Variants in RIMKLB observed in about 807,000 individuals in gnomAD.
RIMKLB encodes the protein beta-citrylglutamate synthase B.
In RIMKLB, 7 loss-of-function variants were observed where a neutral mutation model predicts 32.0. That is an observed-to-expected ratio of 0.22 (90% confidence interval 0.12 to 0.41). RIMKLB has a LOEUF of 0.41. RIMKLB is among the 10% of genes least tolerant of loss of function. The pLI is 1.00. For synonymous variants in RIMKLB, 172 were observed against 185.1 expected (o/e 0.93, Z 0.57); for missense variants, 289 against 498.7 (o/e 0.58, Z 4.00).
At chr12:8,751,036 T>TA (rs1948583014) in intron 3 of RIMKLB, among the ~76,000 whole-genome samples, 1 of 152,190 alleles carries the variant, frequency 6.6e-6, no homozygotes, top group African/African-American at 2.4e-5. Flanking sequence ...ACCAAGCCTG[T>TA]ATGGCATGTG....
intron 5 of RIMKLB, among the ~76,000 whole-genome samples, chr12:8,771,508 C>T (rs950928691): frequency 6.6e-6 from 1 of 152,198 alleles, no homozygotes; most frequent in African/African-American, 2.4e-5. Context: ...GAATATCACA[C>T]ATCTTTCTCC....
At chr12:8,709,722 G>A (rs924538968) in intron 1 of RIMKLB, among the ~76,000 whole-genome samples, 8 of 152,008 alleles carry the variant, frequency 5.3e-5, no homozygotes, top group African/African-American at 1.9e-4. Context: ...CCCTGACACA[G>A]TACAACAGGA....
At position 8,746,362 on chromosome 12, in the gene RIMKLB, G is replaced by GCTGAGGTGTGCAGATCAC. The variant is rs531021806; in HGVS notation, c.176-3492_176-3475dup. 6.6e-5 allele frequency among the ~76,000 whole-genome samples: 10 copies of GCTGAGGTGTGCAGATCAC among 151,818 alleles called. No homozygotes were observed. The South Asian group carries it at 2.1e-3, about 31-fold the overall frequency. On this transcript the variant is annotated intron_variant, in intron 2 of 5. Coordinates refer to ENST00000535829, the MANE Select transcript of RIMKLB (RefSeq NM_001297776.2). ...GCCTGTAATCCCAGCACTTTGGGAG[G>GCTGAGGTGTGCAGATCAC]CTGAGGTGTGCAGATCACCTGAGGT...
At chr12:8,770,194 C>T (rs558778913) in intron 5 of RIMKLB, among the ~76,000 whole-genome samples, 2 of 152,192 alleles carry the variant, frequency 1.3e-5, no homozygotes, top group Non-Finnish European at 2.9e-5. Flanking sequence ...AACTCCTGAC[C>T]TCAGGTGATC....
chr12:8,756,747 G>A (rs949320207), intron 5 of RIMKLB, among the ~76,000 whole-genome samples: 5 of 135,006 alleles, frequency 3.7e-5, no homozygotes, highest in African/African-American at 5.6e-5. Flanking sequence ...GCTGAAGTAC[G>A]GTGGTGTGAT....
chr12:8,759,731 G>A (rs1175868898), intron 5 of RIMKLB, among the ~76,000 whole-genome samples: 1 of 152,112 alleles, frequency 6.6e-6, no homozygotes, highest in Non-Finnish European at 1.5e-5. Flanking sequence ...ATTCTCCCCA[G>A]TTGAGAACCA....
At chr12:8,768,212 A>C (rs767269268) in intron 5 of RIMKLB, among the ~76,000 whole-genome samples, 7 of 152,360 alleles carry the variant, frequency 4.6e-5, no homozygotes, top group Non-Finnish European at 1.0e-4. Flanking sequence ...GTGCAGGAAC[A>C]ATGGCAAGCC....
At chr12:8,715,798 T>G (rs747335989) in intron 2 of RIMKLB, among the ~76,000 whole-genome samples, 26 of 152,320 alleles carry the variant, frequency 1.7e-4, no homozygotes, top group Middle Eastern at 3.4e-3. Context: ...CAAATAAATG[T>G]AAAGTTATAA....
intron 3 of RIMKLB, among the ~76,000 whole-genome samples, chr12:8,751,362 A>T (rs1332707160): frequency 6.6e-6 from 1 of 152,194 alleles, no homozygotes; most frequent in Admixed American, 6.5e-5. Context: ...TTTTGTAGCT[A>T]CAGTCTATTT....
intron 5 of RIMKLB, among the ~76,000 whole-genome samples, chr12:8,763,869 C>T (rs1042096298): frequency 2.8e-4 from 43 of 152,144 alleles, no homozygotes; most frequent in African/African-American, 9.9e-4. Flanking sequence ...TGAGTTGAGA[C>T]GTTGGGTTTG....
At chr12:8,744,739 C>CA (rs1464112338) in intron 2 of RIMKLB, among the ~76,000 whole-genome samples, 1 of 151,848 alleles carries the variant, frequency 6.6e-6, no homozygotes, top group African/African-American at 2.4e-5. Context: ...CTGCTCACTT[C>CA]AACCTCTGCC....
At chr12:8,756,153 CAAAA>C (rs1233371130) in intron 5 of RIMKLB, among the ~76,000 whole-genome samples, 1 of 114,170 alleles carries the variant, frequency 8.8e-6, no homozygotes, top group Non-Finnish European at 1.9e-5. Context: ...GACTCTGCCT[CAAAA>C]AAAAAAAAAA....
intron 2 of RIMKLB, chr12:8,714,294 T>G (rs1490004957): frequency 1.5e-5 from 5 of 323,964 alleles, no homozygotes; most frequent in African/African-American, 6.5e-5. Context: ...GGCGCATATC[T>G]GTAGTTCCAG....
chr12:8,770,958 G>C (rs1445796757), intron 5 of RIMKLB, among the ~76,000 whole-genome samples: 4 of 152,184 alleles, frequency 2.6e-5, no homozygotes, highest in African/African-American at 9.7e-5. Context: ...TGTGTTATCT[G>C]TATATTATAA....
At chr12:8,738,792 A>G (rs1277772424) in intron 2 of RIMKLB, among the ~76,000 whole-genome samples, 2 of 152,210 alleles carry the variant, frequency 1.3e-5, no homozygotes. Context: ...AATTTCATTT[A>G]TATAGATGGA....
intron 2 of RIMKLB, among the ~76,000 whole-genome samples, chr12:8,745,029 G>A (rs1043513874): frequency 2.0e-5 from 3 of 151,856 alleles, no homozygotes; most frequent in African/African-American, 7.3e-5. Flanking sequence ...GGTGTGTGAT[G>A]TTCCCCACCC....
At chr12:8,764,730 C>T (rs78719317) in intron 5 of RIMKLB, among the ~76,000 whole-genome samples, 1 of 152,130 alleles carries the variant, frequency 6.6e-6, no homozygotes. Flanking sequence ...AGAGGACCTT[C>T]GTCCCCTGGG....
chr12:8,743,629 G>A (rs947474317), intron 2 of RIMKLB, among the ~76,000 whole-genome samples: 1 of 151,744 alleles, frequency 6.6e-6, no homozygotes, highest in African/African-American at 2.4e-5. Flanking sequence ...TAATTATGGG[G>A]AGGGAGAGAT....
intron 5 of RIMKLB, among the ~76,000 whole-genome samples, chr12:8,755,340 ATCC>A (rs1175153524): frequency 6.6e-6 from 1 of 151,232 alleles, no homozygotes; most frequent in Non-Finnish European, 1.5e-5. Context: ...GGCTCAAGTA[ATCC>A]TCCTTCATTG....
Sources: allele counts gnomAD v4.1 joint callset (sites outside exome capture counted in the v4.1 genomes callset), GRCh38; gene constraint gnomAD v4.1.1; transcripts MANE v1.5; gene names NCBI Gene and HGNC (gene_info 2026-07-23, HGNC 2026-07-21).